The following ZNF112 variants were observed in gnomAD, a reference collection of about 807,000 sequenced individuals.
ZNF112 encodes the protein zinc finger protein 112 (Y14).
A neutral mutation model predicts 77.7 loss-of-function variants in ZNF112; 37 were observed. The ratio of observed to expected loss-of-function variants is 0.48; its 90% CI spans 0.37 to 0.63. ZNF112 has a LOEUF of 0.63. Ranked by LOEUF, ZNF112 falls within the 20% of genes least tolerant of loss-of-function variation. The probability of loss-of-function intolerance (pLI) is 0.00; values close to 1 mark genes in which losing one functional copy is unlikely to be tolerated. For synonymous variants in ZNF112, 333 were observed against 363.6 expected (o/e 0.92, Z 0.96); for missense variants, 950 against 1,077.4 (o/e 0.88, Z 1.66).
intron 1 of ZNF112, among the ~76,000 whole-genome samples, chr19:44,363,460 C>T (rs986241372): frequency 1.3e-5 from 2 of 152,136 alleles, no homozygotes; most frequent in African/African-American, 2.4e-5. Flanking sequence ...AGTCTCTAAC[C>T]CCTTCCCCCA....
chr19:44,345,086 C>T (rs1009228729), intron 1 of ZNF112, among the ~76,000 whole-genome samples: 1 of 152,092 alleles, frequency 6.6e-6, no homozygotes, highest in Non-Finnish European at 1.5e-5. Context: ...GCCAGCTCAC[C>T]GGTATCAATG....
In ZNF112 at chr19:44,328,269, G is replaced by T. The variant is rs779817315; in HGVS notation, c.1888C>A (p.Pro630Thr). ...GHQRVHTGEK[P>T]FKCEECGKGF... ...TTCCCACATTCCTCACATTTGAATG[G>T]TTTTTCTCCAGTGTGGACTCTCTGA... The change falls in exon 4 of 4, where the codon CCA (proline) becomes ACA (threonine). Residue 630 changes from proline to threonine, a missense_variant. Transcript: ENST00000354340. 1.9e-6 allele frequency: 3 copies of T among 1,613,976 alleles called. No homozygotes were observed. The highest frequency in any genetic ancestry group is 1.1e-5 in the South Asian group (1 of 91,078).
chr19:44,329,876 G>A lies in ZNF112; in HGVS notation c.281C>T (p.Pro94Leu). 6.2e-7 allele frequency: 1 copy of A among 1,613,882 alleles called. No homozygotes were observed. Among genetic ancestry groups the A allele is most frequent in the Non-Finnish European group, 8.5e-7 (1 of 1,179,958 alleles). The change falls in exon 4 of 4, where the codon CCC (proline) becomes CTC (leucine). Residue 94 changes from proline to leucine, a missense_variant. Transcript: ENST00000354340. ...IQEVTVSYFS[P>L]KELSSRQTWQ... is the part of the protein sequence containing the mutation. Reference sequence around the variant, plus strand: ...GGTCTGACGGGAGGAAAGCTCTTTGGGGGAAAAGTAGCTTACTGTTACTTC... The same window carrying A: ...GGTCTGACGGGAGGAAAGCTCTTTGAGGGAAAAGTAGCTTACTGTTACTTC...
At chr19:44,344,660 G>C (rs534021520) in intron 1 of ZNF112, among the ~76,000 whole-genome samples, 53 of 152,326 alleles carry the variant, frequency 3.5e-4, no homozygotes, top group South Asian at 1.0e-3. Context: ...GGTAGAGGGT[G>C]CACGGAGTCC....
chr19:44,364,040 G>C (rs1970879769), intron 1 of ZNF112, among the ~76,000 whole-genome samples: 1 of 152,110 alleles, frequency 6.6e-6, no homozygotes, highest in African/African-American at 2.4e-5. Context: ...CTCCTGAGTA[G>C]CTGGGATTAC....
At chr19:44,366,386 C>T (rs1008189654) in intron 1 of ZNF112, among the ~76,000 whole-genome samples, 2 of 151,994 alleles carry the variant, frequency 1.3e-5, no homozygotes, top group African/African-American at 4.8e-5. Context: ...CACCCTCCCT[C>T]CTTCCTTCCT....
At chr19:44,336,951 C>T (rs1221643849) in intron 2 of ZNF112, among the ~76,000 whole-genome samples, 2 of 151,400 alleles carry the variant, frequency 1.3e-5, no homozygotes, top group African/African-American at 4.9e-5. Context: ...CAGCTCACTA[C>T]AACTGCAGCC....
intron 1 of ZNF112, among the ~76,000 whole-genome samples, chr19:44,364,143 T>G (rs1355076120): frequency 6.6e-6 from 1 of 152,106 alleles, no homozygotes; most frequent in Non-Finnish European, 1.5e-5. Context: ...CTTCTGACCT[T>G]GGATGATCTG....
rs372773199 is a variant in ZNF112, at chr19:44,329,390, C to G, written c.767G>C (p.Gly256Ala). The G allele has an allele frequency of 2.5e-6, 4 of 1,613,684 alleles. No individual in the cohort carries two copies. Among genetic ancestry groups the G allele is most frequent in the Non-Finnish European group, 3.4e-6 (4 of 1,179,764 alleles). ...QTEEKPYPCT[G>A]YRKAFSNDSS... Reference sequence around the variant, plus strand: ...GTCATTACTGAAGGCTTTTCTATACCCAGTACATGGATAGGGCTTCTCCTC... The same window carrying G: ...GTCATTACTGAAGGCTTTTCTATACGCAGTACATGGATAGGGCTTCTCCTC... The change falls in exon 4 of 4, where the codon GGG becomes GCG. Residue 256 changes from glycine to alanine, a missense_variant. Coordinates refer to ENST00000354340, the MANE Select transcript of ZNF112 (RefSeq NM_013380.4).
upstream of ZNF112, among the ~76,000 whole-genome samples, chr19:44,361,090 C>A (rs60129674): frequency 7.0e-3 from 1,073 of 152,228 alleles, 7 homozygotes; most frequent in African/African-American, 0.024. Flanking sequence ...ACTAGACAAA[C>A]CCAGTAGATG....
In ZNF112 at chr19:44,327,526, A is replaced by G; in HGVS notation, c.2631T>C (p.His877=). 6.2e-7 allele frequency: 1 copy of G among 1,613,970 alleles called. No individual in the cohort carries two copies. Among genetic ancestry groups the G allele is most frequent in the East Asian group, 2.2e-5 (1 of 44,874 alleles). The part of the protein sequence containing the change: ...SSGLLIHQRV[H]SSDKFYKSED... ...CGCTTTTATAGAATTTATCACTACT[A>G]TGGACTCTTTGATGAATGAGAAGAC... The change falls in exon 4 of 4, where the codon CAT becomes CAC. Residue 877 remains histidine, a synonymous_variant. Coordinates refer to ENST00000354340, the MANE Select transcript of ZNF112 (RefSeq NM_013380.4).
At chr19:44,331,027 C>T (rs1970261022) in intron 3 of ZNF112, among the ~76,000 whole-genome samples, 1 of 152,164 alleles carries the variant, frequency 6.6e-6, no homozygotes, top group East Asian at 1.9e-4. Context: ...AGCTATTTAT[C>T]CTCATGAGAA....
chr19:44,344,651 G>A (rs1250001790), intron 1 of ZNF112, among the ~76,000 whole-genome samples: 2 of 152,302 alleles, frequency 1.3e-5, no homozygotes, highest in East Asian at 3.9e-4. Flanking sequence ...AGATGCCAGG[G>A]TAGAGGGTGC....
intron 1 of ZNF112, among the ~76,000 whole-genome samples, chr19:44,342,635 T>C (rs543980494): frequency 6.6e-6 from 1 of 151,808 alleles, no homozygotes; most frequent in South Asian, 2.1e-4. Flanking sequence ...GCCAAGATGG[T>C]GAAACCCCAT....
Position 44,329,877 on chromosome 19 carries a change from G to A in ZNF112, c.280C>T (p.Pro94Ser). 1 of 1,613,902 alleles carries A rather than the reference G, an allele frequency of 6.2e-7. No homozygotes were observed. Among genetic ancestry groups the A allele is most frequent in the South Asian group, 1.1e-5 (1 of 91,070 alleles). The change falls in exon 4 of 4, where the codon CCC becomes TCC. Residue 94 changes from proline to serine, a missense_variant. Transcript: ENST00000354340. Reference protein sequence around the residue: ...IQEVTVSYFSPKELSSRQTWQ... With the variant: ...IQEVTVSYFSSKELSSRQTWQ... ...GTCTGACGGGAGGAAAGCTCTTTGG[G>A]GGAAAAGTAGCTTACTGTTACTTCC...
At chr19:44,359,312 G>GTTGTTTTTTTT (rs1568680489), upstream of ZNF112, among the ~76,000 whole-genome samples, 1 of 101,492 alleles carries the variant, frequency 9.9e-6, no homozygotes, top group African/African-American at 4.1e-5. Flanking sequence ...ATATATTAGA[G>GTTGTTTTTTTT]TTCTTTTTTT....
upstream of ZNF112, among the ~76,000 whole-genome samples, chr19:44,357,121 T>TA (rs1491468791): frequency 6.6e-6 from 1 of 152,238 alleles, no homozygotes; most frequent in Non-Finnish European, 1.5e-5. Context: ...TCAGTATTTG[T>TA]ATAGTCACTA....
intron 3 of ZNF112, among the ~76,000 whole-genome samples, chr19:44,331,581 G>T (rs1046484040): frequency 3.2e-4 from 48 of 152,138 alleles, no homozygotes; most frequent in African/African-American, 8.9e-4. Context: ...TAAAAGGGAT[G>T]TTTTTTCATG....
rs756320526 is a variant in ZNF112 at position 44,328,933 on chromosome 19, T to C, written c.1224A>G (p.Leu408=). ...TCTTTCCATACTCTATATCTGTGTATAGTTTCTCTTCAGTGTGGATTTTTT... is the reference window on the plus strand; with the variant it reads ...TCTTTCCATACTCTATATCTGTGTACAGTTTCTCTTCAGTGTGGATTTTTT... ...VHQKIHTEEK[L]YTDIEYGKSF... Residue 408 remains leucine (L), a synonymous_variant, in exon 4 of 4, where the codon CTA becomes CTG. Transcript: ENST00000354340. The C allele has an allele frequency of 4.3e-6, 7 of 1,613,886 alleles. No individual in the cohort carries two copies. The highest frequency in any genetic ancestry group is 4.2e-6 in the Non-Finnish European group (5 of 1,179,990).
Sources: gnomAD v4.1 joint callset for allele counts (sites outside exome capture counted in the v4.1 genomes callset) on GRCh38, gnomAD v4.1.1 for gene constraint, MANE v1.5 for transcripts, NCBI Gene and HGNC (gene_info 2026-07-23, HGNC 2026-07-21) for gene names.